Variants in KCTD2 observed in about 807,000 individuals in gnomAD.
KCTD2 encodes BTB/POZ domain-containing protein KCTD2.
Under a neutral mutation model 27.9 loss-of-function variants are expected in KCTD2, and 18 were observed. The observed-to-expected ratio is 0.64, with a 90% CI of 0.45 to 0.96. The LOEUF (loss-of-function observed/expected upper bound fraction) is 0.96, where lower values mean the gene tolerates loss of function less well. KCTD2 is among the 40% of genes least tolerant of loss of function. KCTD2 has a pLI of 0.00. For missense variants in KCTD2, 280 were observed against 348.0 expected, an observed-to-expected ratio of 0.80 and a Z score of 1.56; for synonymous variants, 175 against 148.4, an observed-to-expected ratio of 1.18 and a Z score of -1.30.
intron 2 of KCTD2, among the ~76,000 whole-genome samples, chr17:75,034,509 A>G (rs760135285): frequency 2.2e-4 from 33 of 152,166 alleles, no homozygotes; most frequent in South Asian, 6.2e-4. Context: ...GGGGCGCGGT[A>G]AGACGCTAAA....
At chr17:75,045,874 A>G (rs1043355255), upstream of KCTD2, among the ~76,000 whole-genome samples, 2 of 152,250 alleles carry the variant, frequency 1.3e-5, no homozygotes, top group African/African-American at 2.4e-5. Context: ...TGGGGAAGTG[A>G]TAAGTGTCCA....
intron 1 of KCTD2, among the ~76,000 whole-genome samples, chr17:75,047,882 A>G (rs2073243743): frequency 6.6e-6 from 1 of 151,638 alleles, no homozygotes; most frequent in Non-Finnish European, 1.5e-5. Context: ...CCCCTTCTCC[A>G]TATTCTCTGC....
At chr17:75,059,365 G>A in intron 3 of KCTD2, 145 bp from the exon 4 acceptor site, 1 of 481,582 alleles carries the variant, frequency 2.1e-6, no homozygotes, top group Non-Finnish European at 3.7e-6. Context: ...AGTACTATTT[G>A]TAAAAGGGGA....
intron 2 of KCTD2, among the ~76,000 whole-genome samples, chr17:75,051,474 G>A (rs777365742): frequency 1.3e-5 from 2 of 150,576 alleles, no homozygotes; most frequent in Non-Finnish European, 3.0e-5. Flanking sequence ...TGGTAGAGAC[G>A]GGGGTTTCAC....
chr17:75,035,229 T>G (rs2040105113), intron 2 of KCTD2: 1 of 152,108 alleles, frequency 6.6e-6, no homozygotes, highest in African/African-American at 2.4e-5. Flanking sequence ...TCCCTTGTTT[T>G]AGACCCAGAA....
chr17:75,056,280 A>G (rs192509397), intron 3 of KCTD2, among the ~76,000 whole-genome samples: 37 of 152,298 alleles, frequency 2.4e-4, no homozygotes, highest in African/African-American at 8.2e-4. Flanking sequence ...TCTCTTTGCT[A>G]TCTTACCTTT....
Position 75,065,274 on chromosome 17 carries a change from G to A in KCTD2, c.*2227G>A, listed in dbSNP as rs141855138. 6.6e-4 allele frequency: 101 copies of A among 152,288 alleles called. No homozygotes were observed. In the East Asian group the frequency reaches 0.016, roughly 24 times the overall value. The allele number at this position is 152,288 out of a possible 1,614,324, so 9.4% of individuals were successfully genotyped here. A position where few individuals can be genotyped will look rare whatever the true frequency, so the allele number is the denominator to read the frequency against. On this transcript the variant is annotated 3_prime_UTR_variant, in exon 6 of 6. Coordinates refer to ENST00000322444, the MANE Select transcript of KCTD2 (RefSeq NM_015353.3). The stretch of plus-strand genomic sequence containing the variant: ...CCAATGACACCTGTATTGTTCCAGC[G>A]CTCCAGGACTCTGGGTTCTTAAGAT...
intron 3 of KCTD2, 109 bp from the exon 4 acceptor site, chr17:75,059,401 T>G: frequency 1.7e-6 from 1 of 594,450 alleles, no homozygotes; most frequent in Non-Finnish European, 2.8e-6. Flanking sequence ...AAGAAAAGAT[T>G]TCCAAGCAAA....
chr17:75,039,324 G>A (rs2073134797), intron 3 of KCTD2: 1 of 1,540,228 alleles, frequency 6.5e-7, no homozygotes, highest in East Asian at 2.2e-5. Context: ...TTCTACCCCA[G>A]CAGCTGCTAA....
In KCTD2 at chr17:75,059,624, C is replaced by T; in HGVS notation, c.636+19C>T. On this transcript the variant is annotated intron_variant, in intron 4 of 5. Transcript: ENST00000322444. ...CGAACAGGTACATCTCTTAACAGAG[C>T]AGCAATCCCAGGCCCCGTTCAAGGG... 2.5e-6 allele frequency: 4 copies of T among 1,587,626 alleles called. No individual in the cohort carries two copies. Among genetic ancestry groups the T allele is most frequent in the Non-Finnish European group, 3.5e-6 (4 of 1,156,924 alleles).
chr17:75,052,846 A>G (rs555035331), intron 2 of KCTD2, among the ~76,000 whole-genome samples, 168 bp from the exon 3 acceptor site: 47 of 152,314 alleles, frequency 3.1e-4, no homozygotes, highest in Non-Finnish European at 5.4e-4. Context: ...GTGAGCCAAG[A>G]TCGCACCACT....
chr17:75,040,046 C>A, intron 3 of KCTD2: 1 of 1,602,150 alleles, frequency 6.2e-7, no homozygotes, highest in South Asian at 1.1e-5. Flanking sequence ...AGAGAGCTGT[C>A]AAGATCAAGA....
upstream of KCTD2, chr17:75,042,329 T>G (rs777678768): frequency 1.3e-6 from 2 of 1,588,086 alleles, no homozygotes; most frequent in South Asian, 1.1e-5. Context: ...AGTAGAAAAT[T>G]CACATGGTAA....
At chr17:75,045,245 A>G (rs1368081702), upstream of KCTD2, among the ~76,000 whole-genome samples, 1 of 152,236 alleles carries the variant, frequency 6.6e-6, no homozygotes, top group Non-Finnish European at 1.5e-5. Context: ...TAACAGGGTA[A>G]TAGAATATCA....
chr17:75,036,563 T>G (rs1018849697), intron 3 of KCTD2, among the ~76,000 whole-genome samples: 1 of 152,272 alleles, frequency 6.6e-6, no homozygotes, highest in African/African-American at 2.4e-5. Flanking sequence ...TCACTGTTAT[T>G]TAGCACAGGG....
At chr17:75,036,956 G>A (rs951590303) in intron 3 of KCTD2, among the ~76,000 whole-genome samples, 3 of 152,096 alleles carry the variant, frequency 2.0e-5, no homozygotes, top group African/African-American at 7.2e-5. Flanking sequence ...CTACCAATCA[G>A]GAGCCATGCA....
intron 3 of KCTD2, chr17:75,038,760 C>T (rs949386021): frequency 6.9e-6 from 5 of 721,456 alleles, no homozygotes; most frequent in African/African-American, 1.8e-5. Flanking sequence ...ACAAACCTGT[C>T]GAGGCTCACC....
chr17:75,060,397 A>G (rs1311331598), intron 4 of KCTD2: 3 of 1,520,662 alleles, frequency 2.0e-6, no homozygotes, highest in Non-Finnish European at 2.7e-6. Flanking sequence ...ATCCTCTGCC[A>G]CTTATTAACT....
Position 75,063,252 on chromosome 17 carries a change from A to G in KCTD2, c.*205A>G. ...AGACAGTGCGACTTCTGGCTGCAGA[A>G]TACCTTTTCAGAAACCTGCTTTCAT... On this transcript the variant is annotated 3_prime_UTR_variant, in exon 6 of 6. Coordinates refer to ENST00000322444, the MANE Select transcript of KCTD2 (RefSeq NM_015353.3). 1 of 606,736 alleles carries G rather than the reference A, an allele frequency of 1.6e-6. No homozygotes were observed. The highest frequency in any genetic ancestry group is 2.9e-6 in the Non-Finnish European group (1 of 341,250). 37.6% of individuals were successfully genotyped at this position (606,736 alleles called of 1,614,324 possible). A position where few individuals can be genotyped will look rare whatever the true frequency, so the allele number is the denominator to read the frequency against.
Sources: allele counts gnomAD v4.1 joint callset (sites outside exome capture counted in the v4.1 genomes callset), GRCh38; gene constraint gnomAD v4.1.1; transcripts MANE v1.5; gene names NCBI Gene and HGNC (gene_info 2026-07-23, HGNC 2026-07-21).